The following ELF2 variants were observed in gnomAD, a reference collection of about 807,000 sequenced individuals.
The protein encoded by ELF2 is E74 like ETS transcription factor 2.
ELF2 carries 11 observed loss-of-function variants against 54.8 expected under a neutral mutation model. That is an observed-to-expected ratio of 0.20 (90% CI 0.13 to 0.33). The LOEUF is 0.33. ELF2 is among the 10% of genes least tolerant of loss of function. The probability of loss-of-function intolerance (pLI) is 1.00; values close to 1 mark genes in which losing one functional copy is unlikely to be tolerated. For synonymous variants in ELF2, 203 were observed against 245.1 expected (o/e 0.83, Z 1.61); for missense variants, 513 against 703.0 (o/e 0.73, Z 3.06).
intron 4 of ELF2, among the ~76,000 whole-genome samples, chr4:139,114,111 G>A (rs1053329737): frequency 1.3e-5 from 2 of 152,116 alleles, no homozygotes; most frequent in Admixed American, 6.5e-5. Flanking sequence ...CTAATTAAGT[G>A]ATATTCAATT....
intron 1 of ELF2, among the ~76,000 whole-genome samples, chr4:139,163,467 T>C (rs1741376342): frequency 6.6e-6 from 1 of 151,938 alleles, no homozygotes; most frequent in Non-Finnish European, 1.5e-5. Flanking sequence ...CTTTTCACAA[T>C]GATAAGGAAA....
intron 6 of ELF2, among the ~76,000 whole-genome samples, chr4:139,071,084 G>A (rs531955604): frequency 5.9e-5 from 9 of 152,246 alleles, no homozygotes; most frequent in African/African-American, 2.2e-4. Context: ...AAATGTGGTA[G>A]TGGGATGGGG....
At chr4:139,082,818 G>C (rs760579460) in intron 4 of ELF2, among the ~76,000 whole-genome samples, 3 of 152,216 alleles carry the variant, frequency 2.0e-5, no homozygotes, top group Non-Finnish European at 4.4e-5. Context: ...TACTATTACA[G>C]TAAGTAAACA....
At chr4:139,077,431 TTAC>T (rs1730461221) in intron 4 of ELF2, among the ~76,000 whole-genome samples, 1 of 152,208 alleles carries the variant, frequency 6.6e-6, no homozygotes, top group African/African-American at 2.4e-5. Context: ...TTTTTACTGC[TTAC>T]TAATTTTATC....
intron 1 of ELF2, among the ~76,000 whole-genome samples, chr4:139,145,792 T>C (rs1739170575): frequency 6.7e-6 from 1 of 149,294 alleles, no homozygotes; most frequent in African/African-American, 2.4e-5. Context: ...AAAAACCACA[T>C]GATTGTTTCA....
Position 139,151,032 on chromosome 4 carries a change from A to AAAAGAAAGAAAGAAAGAAAG in ELF2, c.-251-11555_-251-11536dup, listed in dbSNP as rs71600182. ...GAACGAGGCTCCATCTCAAAAAAAA[A>AAAAGAAAGAAAGAAAGAAAG]AAAGAAAGAAAGAAAGAAAGAAAGA... On this transcript the variant is annotated intron_variant, in intron 1 of 9. Transcript: ENST00000686138. 9.0e-4 allele frequency among the ~76,000 whole-genome samples: 92 copies of AAAAGAAAGAAAGAAAGAAAG among 102,528 alleles called. 2 individuals are homozygous for AAAAGAAAGAAAGAAAGAAAG. The highest frequency in any genetic ancestry group is 1.6e-3 in the African/African-American group (32 of 19,728). The allele number at this position is 102,528 out of a possible 152,430, so 67.3% of individuals were successfully genotyped here.
At chr4:139,159,651 AAAT>A (rs1383095097) in intron 1 of ELF2, among the ~76,000 whole-genome samples, 1 of 152,128 alleles carries the variant, frequency 6.6e-6, no homozygotes, top group South Asian at 2.1e-4. Context: ...CATTGTCCTG[AAAT>A]GATGGGATCT....
At chr4:139,172,882 C>CGGG (rs59019279) in intron 1 of ELF2, among the ~76,000 whole-genome samples, 1 of 51,212 alleles carries the variant, frequency 2.0e-5, no homozygotes, top group Admixed American at 2.9e-4. Context: ...ACACAGATAA[C>CGGG]GGGGGGGGGG....
intron 1 of ELF2, among the ~76,000 whole-genome samples, chr4:139,164,852 C>T (rs939876718): frequency 3.3e-5 from 5 of 152,154 alleles, no homozygotes; most frequent in African/African-American, 1.2e-4. Flanking sequence ...CTCCACTTAA[C>T]CCAGAATTTC....
At chr4:139,079,908 A>G (rs1197032841) in intron 4 of ELF2, among the ~76,000 whole-genome samples, 1 of 152,246 alleles carries the variant, frequency 6.6e-6, no homozygotes, top group Non-Finnish European at 1.5e-5. Flanking sequence ...TCCATCTCAA[A>G]AAATAAAATA....
intron 4 of ELF2, chr4:139,115,430 G>C (rs1424847290): frequency 2.0e-6 from 2 of 987,266 alleles, no homozygotes; most frequent in South Asian, 9.4e-5. Flanking sequence ...CACCGCCTCC[G>C]GGACGCCCCC....
intron 4 of ELF2, 26 bp downstream of exon 4, chr4:139,125,138 T>C (rs1736789580): frequency 6.3e-7 from 1 of 1,586,326 alleles, no homozygotes; most frequent in Non-Finnish European, 8.5e-7. Context: ...AAGTTATAAA[T>C]AATGAACATT....
At position 139,139,447 on chromosome 4, in the gene ELF2, T is replaced by C; in HGVS notation, c.-201A>G. 8.1e-7 allele frequency: 1 copy of C among 1,230,188 alleles called. No individual in the cohort carries two copies. The allele number at this position is 1,230,188 out of a possible 1,614,324, so 76.2% of individuals were successfully genotyped here. The stretch of plus-strand genomic sequence containing the variant: ...GTTAAGTAGTCTAAGCATCCTTCAC[T>C]ATTTTCACAACTTGGGAAGAGCTAA... On this transcript the variant is annotated 5_prime_UTR_variant, in exon 2 of 10. In the 5' UTR this introduces an upstream ATG that the reference lacks. Coordinates refer to ENST00000686138, the MANE Select transcript of ELF2 (RefSeq NM_001331036.3).
chr4:139,139,334 C>T (rs948499500), intron 2 of ELF2, 79 bp downstream of exon 2: 24 of 712,966 alleles, frequency 3.4e-5, no homozygotes, highest in Non-Finnish European at 4.6e-5. Context: ...TAATAAAATT[C>T]CACAGTCCCA....
intron 4 of ELF2, among the ~76,000 whole-genome samples, chr4:139,096,127 C>T (rs1035113047): frequency 6.6e-6 from 1 of 151,940 alleles, no homozygotes; most frequent in Non-Finnish European, 1.5e-5. Flanking sequence ...AAAAAAAGAA[C>T]ATTTGTAGCT....
intron 4 of ELF2, among the ~76,000 whole-genome samples, chr4:139,114,016 C>T (rs932360940): frequency 6.6e-6 from 1 of 152,032 alleles, no homozygotes; most frequent in Non-Finnish European, 1.5e-5. Flanking sequence ...GCTATTTTAA[C>T]GAGCCCTTAA....
intron 4 of ELF2, chr4:139,084,457 G>A: frequency 4.3e-6 from 5 of 1,150,704 alleles, no homozygotes; most frequent in Non-Finnish European, 4.3e-6. Context: ...CGGCGGCGGC[G>A]GCGGCTGTGG....
At position 139,071,949 on chromosome 4, in the gene ELF2, A is replaced by C; in HGVS notation, c.443T>G (p.Val148Gly). 1.9e-6 allele frequency: 3 copies of C among 1,613,930 alleles called. No individual in the cohort carries two copies. The highest frequency in any genetic ancestry group is 2.5e-6 in the Non-Finnish European group (3 of 1,179,980). Residue 148 changes from valine to glycine, a missense_variant, in exon 6 of 10, where the codon GTG becomes GGG. Physicochemically the swap from Val to Gly is moderately radical, Grantham distance 109. Transcript: ENST00000686138. The stretch of plus-strand genomic sequence containing the variant: ...CATGGGTTCAGACTCTTCAGTTGAC[A>C]CCTCCACTACAGTTTCTGTAATGAC... Reference protein sequence around the residue: ...PDVITETVVEVSTEESEPMDT... With the variant: ...PDVITETVVEGSTEESEPMDT...
intron 4 of ELF2, among the ~76,000 whole-genome samples, chr4:139,085,351 T>C (rs1731863274): frequency 6.6e-6 from 1 of 152,212 alleles, no homozygotes; most frequent in Admixed American, 6.5e-5. Context: ...CAGTGCCTCC[T>C]ACAGAGTAAG....
Sources: allele counts gnomAD v4.1 joint callset (sites outside exome capture counted in the v4.1 genomes callset), GRCh38; gene constraint gnomAD v4.1.1; transcripts MANE v1.5; gene names NCBI Gene and HGNC (gene_info 2026-07-23, HGNC 2026-07-21).